Variants in WDR26 observed in about 807,000 individuals in gnomAD.
WDR26 encodes WD repeat-containing protein 26.
WDR26 carries 5 observed loss-of-function variants against 84.1 expected under a neutral mutation model. That is an observed-to-expected ratio of 0.06 (90% CI 0.03 to 0.13). WDR26 has a LOEUF of 0.13. WDR26 is among the 10% of genes least tolerant of loss of function. The pLI, the probability that WDR26 is intolerant of heterozygous loss-of-function variation, is 1.00. For missense variants in WDR26, 642 were observed against 974.9 expected (o/e 0.66, Z 4.55); for synonymous variants, 415 against 389.6 (o/e 1.07, Z -0.77).
chr1:224,401,697 A>G (rs377299975), intron 8 of WDR26, among the ~76,000 whole-genome samples: 784 of 39,058 alleles, frequency 0.02, 78 homozygotes, highest in African/African-American at 0.049. Context: ...AAAGAAAAAA[A>G]AAAAGAAAAA....
chr1:224,424,601 G>C lies in WDR26; in HGVS notation c.981C>G (p.Gly327=). The C allele has an allele frequency of 2.5e-6, 4 of 1,614,152 alleles. No individual in the cohort carries two copies. The South Asian group carries it at 4.4e-5, about 18-fold the overall frequency. The change falls in exon 4 of 14, where the codon GGC becomes GGG. Residue 327 remains glycine, a synonymous_variant. Coordinates refer to ENST00000414423, the MANE Select transcript of WDR26 (RefSeq NM_001379403.1). The stretch of plus-strand genomic sequence containing the variant: ...GAACTTGAAGTGCCTCCAGGACCTT[G>C]CCATCCTCCAGGTATTCTAGGTACT...
At chr1:224,419,039 T>C (rs1288610038) in intron 5 of WDR26, among the ~76,000 whole-genome samples, 4 of 152,304 alleles carry the variant, frequency 2.6e-5, no homozygotes, top group East Asian at 3.9e-4. Context: ...ATCAAAATTA[T>C]AGAATCATAT....
chr1:224,405,845 G>A (rs1446876452), intron 7 of WDR26, among the ~76,000 whole-genome samples: 3 of 152,194 alleles, frequency 2.0e-5, no homozygotes, highest in Admixed American at 2.0e-4. Context: ...CCCTGTGTGT[G>A]AAAAGCCACT....
Position 224,385,421 on chromosome 1 carries a change from A to G in WDR26, c.*4414T>C, listed in dbSNP as rs1672961477. ...TTTTTATACTTTAATGAATAAAGCA[A>G]AGAAATTTAAACTAAGTAAATATAA... On this transcript the variant is annotated 3_prime_UTR_variant, in exon 14 of 14. Coordinates refer to ENST00000414423, the MANE Select transcript of WDR26 (RefSeq NM_001379403.1). The G allele has an allele frequency of 6.6e-6, 1 of 152,512 alleles. No homozygotes were observed. Among genetic ancestry groups the G allele is most frequent in the African/African-American group, 2.4e-5 (1 of 41,464 alleles). 9.4% of individuals were successfully genotyped at this position (152,512 alleles called of 1,614,324 possible).
chr1:224,404,300 ATAAC>A (rs1558423459), intron 8 of WDR26, 126 bp downstream of exon 8: 1 of 1,106,316 alleles, frequency 9.0e-7, no homozygotes, highest in Non-Finnish European at 1.2e-6. Context: ...TTCCACTTGA[ATAAC>A]TAAGAGATAC....
intron 5 of WDR26, 167 bp downstream of exon 5, chr1:224,419,351 G>T: frequency 1.7e-6 from 1 of 590,898 alleles, no homozygotes; most frequent in Non-Finnish European, 3.0e-6. Flanking sequence ...GACTCCTGAG[G>T]TTAGCTTCTT....
chr1:224,403,659 G>A (rs532641341), intron 8 of WDR26, among the ~76,000 whole-genome samples: 11 of 152,298 alleles, frequency 7.2e-5, no homozygotes, highest in South Asian at 4.1e-4. Context: ...GCAATGGACC[G>A]GGCACGGTGG....
intron 7 of WDR26, among the ~76,000 whole-genome samples, chr1:224,407,555 C>A (rs1673617451): frequency 6.7e-6 from 1 of 149,150 alleles, no homozygotes; most frequent in African/African-American, 2.5e-5. Context: ...GTCGCCTAGG[C>A]TGGAGTGCAG....
At position 224,390,748 on chromosome 1, in the gene WDR26, C is replaced by T. The variant is rs552633789; in HGVS notation, c.2261-888G>A. On this transcript the variant is annotated intron_variant, in intron 13 of 13. Coordinates refer to ENST00000414423, the MANE Select transcript of WDR26 (RefSeq NM_001379403.1). ...TTGCACCACTGCACTTCAGCCTGGG[C>T]GACAGAGTGAGACTCCATCTCAAAA... Among the ~76,000 whole-genome samples the T allele has an allele frequency of 4.1e-4, 62 of 151,872 alleles. 1 individual carries two copies. The South Asian group carries it at 0.012, about 29-fold the overall frequency.
intron 6 of WDR26, among the ~76,000 whole-genome samples, chr1:224,417,434 G>A (rs983342523): frequency 3.3e-5 from 5 of 152,210 alleles, no homozygotes; most frequent in African/African-American, 1.2e-4. Flanking sequence ...GCCCAGCATG[G>A]AGGCTCACGC....
rs142907387 is a variant in WDR26, at chr1:224,406,539, C to T, written c.1459-1969G>A. On this transcript the variant is annotated intron_variant, in intron 7 of 13. Transcript: ENST00000414423. ...TTATGTTTACACTATTGTTTCTTCACTGAACCCTAAGTTTATCATTCATAC... is the reference window on the plus strand; with the variant it reads ...TTATGTTTACACTATTGTTTCTTCATTGAACCCTAAGTTTATCATTCATAC... Among the ~76,000 whole-genome samples the T allele has an allele frequency of 1.1e-4, 17 of 152,306 alleles. No homozygotes were observed. The East Asian group carries it at 2.3e-3, about 21-fold the overall frequency.
chr1:224,397,698 T>C (rs1316062780), intron 12 of WDR26: 1 of 159,560 alleles, frequency 6.3e-6, no homozygotes, highest in Non-Finnish European at 1.4e-5. Flanking sequence ...ATAATTAACC[T>C]TGATTTTTCA....
rs1273777870 is a variant in WDR26 at position 224,387,298 on chromosome 1, C to T, written c.*2537G>A. On this transcript the variant is annotated 3_prime_UTR_variant, in exon 14 of 14. Transcript: ENST00000414423. ...AAAATCCTGCGATCAGTTTCTCATA[C>T]CATAAAATCCTAGGCTTCTTTACCA... 3 of 152,518 alleles carry T rather than the reference C, an allele frequency of 2.0e-5. No homozygotes were observed. The highest frequency in any genetic ancestry group is 3.9e-4 in the East Asian group (2 of 5,194). 9.4% of individuals were successfully genotyped at this position (152,518 alleles called of 1,614,324 possible). A position where few individuals can be genotyped will look rare whatever the true frequency, so the allele number is the denominator to read the frequency against.
intron 8 of WDR26, among the ~76,000 whole-genome samples, chr1:224,402,661 CT>C (rs1373134026): frequency 1.3e-5 from 2 of 152,188 alleles, no homozygotes; most frequent in African/African-American, 4.8e-5. Context: ...AGACAACATA[CT>C]TTCTCCTTTG....
In WDR26 at chr1:224,434,770, T is replaced by A; in HGVS notation, c.-365A>T. The A allele has an allele frequency of 3.0e-6, 3 of 986,322 alleles. No homozygotes were observed. The highest frequency in any genetic ancestry group is 3.6e-6 in the Non-Finnish European group (3 of 830,226). The allele number at this position is 986,322 out of a possible 1,614,324, so 61.1% of individuals were successfully genotyped here. ...CCGCTCCGCTCTGCTCCCTGGTGTG[T>A]TGATTCTTCCCCCAGCTGCTGCCTA... is the stretch of plus-strand genomic sequence containing the variant. On this transcript the variant is annotated 5_prime_UTR_variant, in exon 1 of 14. Transcript: ENST00000414423.
At chr1:224,400,025 T>C (rs1673367813) in intron 9 of WDR26, among the ~76,000 whole-genome samples, 1 of 152,178 alleles carries the variant, frequency 6.6e-6, no homozygotes, top group Admixed American at 6.5e-5. Flanking sequence ...CATGTGAGTC[T>C]GTAATATGAG....
intron 5 of WDR26, 104 bp from the exon 6 acceptor site, chr1:224,418,520 A>G: frequency 9.0e-7 from 1 of 1,105,704 alleles, no homozygotes; most frequent in South Asian, 1.8e-5. Flanking sequence ...CCCCAATAGT[A>G]TCTATTCCTT....
intron 8 of WDR26, among the ~76,000 whole-genome samples, chr1:224,403,127 C>T (rs1016228087): frequency 5.9e-5 from 9 of 151,618 alleles, no homozygotes; most frequent in African/African-American, 1.5e-4. Context: ...TGCAGTGGCA[C>T]GATCCCAGCC....
At chr1:224,415,995 A>G (rs1673892126) in intron 6 of WDR26, among the ~76,000 whole-genome samples, 1 of 152,220 alleles carries the variant, frequency 6.6e-6, no homozygotes, top group Non-Finnish European at 1.5e-5. Flanking sequence ...TCCTAATACT[A>G]AAGAAATATG....
Sources: allele counts gnomAD v4.1 joint callset (sites outside exome capture counted in the v4.1 genomes callset), GRCh38; gene constraint gnomAD v4.1.1; transcripts MANE v1.5; gene names NCBI Gene and HGNC (gene_info 2026-07-23, HGNC 2026-07-21).